Variants in ERC2 observed in about 807,000 individuals in gnomAD.
ERC2 encodes the protein ERC protein 2.
A neutral mutation model predicts 114.8 loss-of-function variants in ERC2; 42 were observed. The ratio of observed to expected loss-of-function variants is 0.37; its 90% confidence interval spans 0.29 to 0.47. The LOEUF (loss-of-function observed/expected upper bound fraction) is 0.47. ERC2 is among the 20% of genes least tolerant of loss of function. ERC2 has a pLI of 0.99. For missense variants in ERC2, 939 were observed against 1,150.7 expected (o/e 0.82, Z 2.66); for synonymous variants, 454 against 425.5 (o/e 1.07, Z -0.82).
intron 15 of ERC2, among the ~76,000 whole-genome samples, chr3:55,702,255 C>T (rs1205669802): frequency 6.6e-6 from 1 of 152,116 alleles, no homozygotes; most frequent in African/African-American, 2.4e-5. Context: ...AAATAAACCA[C>T]GTTGTTCATG....
intron 1 of ERC2, among the ~76,000 whole-genome samples, chr3:56,447,628 A>T (rs2062639981): frequency 6.6e-6 from 1 of 151,956 alleles, no homozygotes; most frequent in Non-Finnish European, 1.5e-5. Context: ...AAATATAGAG[A>T]TTATATTATT....
intron 14 of ERC2, among the ~76,000 whole-genome samples, chr3:55,879,110 TGGCAGA>T (rs2063003477): frequency 1.6e-4 from 24 of 149,158 alleles, no homozygotes; most frequent in East Asian, 2.0e-4. Context: ...TTTTTTTTTT[TGGCAGA>T]GTTTCTGCAT....
intron 14 of ERC2, among the ~76,000 whole-genome samples, chr3:55,772,503 A>C (rs2068295540): frequency 6.6e-6 from 1 of 152,196 alleles, no homozygotes; most frequent in South Asian, 2.1e-4. Context: ...TTTTTAGTAG[A>C]GACGGGGTTT....
At chr3:55,886,254 T>C (rs2063342490) in intron 14 of ERC2, among the ~76,000 whole-genome samples, 1 of 152,186 alleles carries the variant, frequency 6.6e-6, no homozygotes, top group Non-Finnish European at 1.5e-5. Flanking sequence ...TATACTACAT[T>C]TATTATGGAA....
At chr3:55,943,334 C>A (rs187956969) in intron 13 of ERC2, among the ~76,000 whole-genome samples, 1 of 152,112 alleles carries the variant, frequency 6.6e-6, no homozygotes, top group Non-Finnish European at 1.5e-5. Context: ...TGATACTGCA[C>A]GTGTTATGGA....
chr3:56,027,895 C>T (rs1016459434), intron 7 of ERC2, among the ~76,000 whole-genome samples: 1 of 152,122 alleles, frequency 6.6e-6, no homozygotes, highest in Non-Finnish European at 1.5e-5. Context: ...AGATTTTCTC[C>T]TATAGTTTTT....
At chr3:55,623,434 G>A (rs2059396353) in intron 17 of ERC2, among the ~76,000 whole-genome samples, 1 of 152,140 alleles carries the variant, frequency 6.6e-6, no homozygotes, top group African/African-American at 2.4e-5. Context: ...ATGTCAGTAT[G>A]TTCAGCTCTC....
At chr3:56,092,838 T>A (rs970934640) in intron 6 of ERC2, among the ~76,000 whole-genome samples, 7 of 152,186 alleles carry the variant, frequency 4.6e-5, no homozygotes, top group Admixed American at 1.3e-4. Flanking sequence ...GTGCTTTCCC[T>A]TCAGGTAAGC....
At chr3:56,396,342 G>C (rs1417778199) in intron 2 of ERC2, among the ~76,000 whole-genome samples, 1 of 152,178 alleles carries the variant, frequency 6.6e-6, no homozygotes, top group Non-Finnish European at 1.5e-5. Flanking sequence ...TTAAAATAAT[G>C]AATGGAGCCA....
chr3:55,805,745 G>A (rs1559684194), intron 14 of ERC2, among the ~76,000 whole-genome samples: 1 of 151,936 alleles, frequency 6.6e-6, no homozygotes, highest in Admixed American at 6.6e-5. Context: ...AAAATAAATG[G>A]TCCTGATCGG....
intron 12 of ERC2, 72 bp from the exon 13 acceptor site, chr3:55,950,632 G>A (rs2067434238): frequency 2.6e-6 from 4 of 1,542,934 alleles, no homozygotes; most frequent in East Asian, 2.2e-5. Flanking sequence ...ATAGATTCAG[G>A]AAGTACTAAG....
chr3:55,622,258 G>A (rs576435213), intron 17 of ERC2, among the ~76,000 whole-genome samples: 30 of 152,316 alleles, frequency 2.0e-4, no homozygotes, highest in Middle Eastern at 3.4e-3. Flanking sequence ...AATATGAAGT[G>A]CTGACTCCAT....
intron 17 of ERC2, among the ~76,000 whole-genome samples, chr3:55,521,991 A>G (rs1447298925): frequency 6.6e-6 from 1 of 152,102 alleles, no homozygotes; most frequent in East Asian, 1.9e-4. Flanking sequence ...AAGACAGACA[A>G]CTCCACTGCC....
chr3:56,084,680 A>G (rs969549480), intron 6 of ERC2, among the ~76,000 whole-genome samples: 2 of 152,102 alleles, frequency 1.3e-5, no homozygotes, highest in African/African-American at 4.8e-5. Context: ...GTGAAGTCGT[A>G]TAATGGACAT....
chr3:55,766,547 G>C (rs2067806759), intron 14 of ERC2: 1 of 152,012 alleles, frequency 6.6e-6, no homozygotes, highest in Admixed American at 6.6e-5. Flanking sequence ...TGGCATTTCA[G>C]GTAGATGTAG....
intron 17 of ERC2, among the ~76,000 whole-genome samples, chr3:55,599,125 T>C (rs2058284005): frequency 6.6e-6 from 1 of 152,202 alleles, no homozygotes; most frequent in Non-Finnish European, 1.5e-5. Flanking sequence ...TTATTTCTCT[T>C]CAAATAAATG....
At chr3:55,872,721 G>A (rs185270956) in intron 14 of ERC2, among the ~76,000 whole-genome samples, 2 of 152,272 alleles carry the variant, frequency 1.3e-5, no homozygotes, top group Admixed American at 1.3e-4. Flanking sequence ...AGTGGAAAAC[G>A]CTCCTCTCTA....
At chr3:56,328,542 T>G (rs1274379696) in intron 2 of ERC2, among the ~76,000 whole-genome samples, 1 of 152,124 alleles carries the variant, frequency 6.6e-6, no homozygotes, top group Non-Finnish European at 1.5e-5. Context: ...TTTAAAATAG[T>G]CTGTGCAAAG....
At chr3:55,655,915 G>A (rs2060838370) in intron 17 of ERC2, among the ~76,000 whole-genome samples, 1 of 152,096 alleles carries the variant, frequency 6.6e-6, no homozygotes, top group African/African-American at 2.4e-5. Context: ...AGCCACTCTG[G>A]GAGGCAGATC....
Sources: gnomAD v4.1 joint callset for allele counts (sites outside exome capture counted in the v4.1 genomes callset) on GRCh38, gnomAD v4.1.1 for gene constraint, MANE v1.5 for transcripts, NCBI Gene and HGNC (gene_info 2026-07-23, HGNC 2026-07-21) for gene names.